The following TSKS variants were observed in gnomAD, a reference collection of about 807,000 sequenced individuals.
The protein encoded by TSKS is testis-specific serine kinase substrate.
In TSKS, 27 loss-of-function variants were observed where a neutral mutation model predicts 68.0. The ratio of observed to expected loss-of-function variants is 0.40; its 90% CI spans 0.29 to 0.55. The LOEUF (loss-of-function observed/expected upper bound fraction) is 0.55. TSKS is among the 20% of genes least tolerant of loss of function. TSKS has a pLI of 0.53. For missense variants in TSKS, 806 were observed against 776.0 expected, an observed-to-expected ratio of 1.04 and a Z score of -0.46; for synonymous variants, 331 against 340.4, an observed-to-expected ratio of 0.97 and a Z score of 0.30.
In TSKS at chr19:49,741,868, C is replaced by A; in HGVS notation, c.1497+17G>T. 1 of 1,614,112 alleles carries A rather than the reference C, an allele frequency of 6.2e-7. No individual in the cohort carries two copies. Among genetic ancestry groups the A allele is most frequent in the Non-Finnish European group, 8.5e-7 (1 of 1,180,010 alleles). ...AGAAAAGTAAAGTGGGACATGGTGG[C>A]CCATATTCCCTGGTACCAGAATCTT... On this transcript the variant is annotated intron_variant, in intron 9 of 10. Transcript: ENST00000246801.
intron 2 of TSKS, 71 bp downstream of exon 2, chr19:49,761,933 G>T (rs139603078): frequency 1.5e-6 from 2 of 1,314,540 alleles, no homozygotes; most frequent in Admixed American, 1.9e-5. Flanking sequence ...CCCCACCCCC[G>T]TCCTAAGTAT....
rs370324846 is a variant in TSKS, at chr19:49,762,277, G to A, written c.171-45C>T. The A allele has an allele frequency of 2.0e-5, 30 of 1,523,398 alleles. No individual in the cohort carries two copies. The African/African-American group carries it at 3.6e-4, about 18-fold the overall frequency. 94.4% of individuals were successfully genotyped at this position (1,523,398 alleles called of 1,614,324 possible). On this transcript the variant is annotated intron_variant, in intron 1 of 10. Coordinates refer to ENST00000246801, the MANE Select transcript of TSKS (RefSeq NM_021733.2). ...AGAAAAGTGGAGAAGCAGCCCCAGG[G>A]TGTCTGGGCCCTCCTGCCTTCCTTT...
chr19:49,750,230 G>A (rs1191674881), intron 2 of TSKS, among the ~76,000 whole-genome samples: 1 of 150,060 alleles, frequency 6.7e-6, no homozygotes, highest in African/African-American at 2.5e-5. Context: ...TGTTACAGTA[G>A]TCAAATGTAT....
chr19:49,751,610 T>C (rs2084351273), intron 2 of TSKS, among the ~76,000 whole-genome samples: 1 of 152,126 alleles, frequency 6.6e-6, no homozygotes, highest in Admixed American at 6.6e-5. Flanking sequence ...CAAAGCCTCA[T>C]AACCCAAAGA....
rs747218720 is a variant in TSKS, at chr19:49,740,173, C to T, written c.1508G>A (p.Arg503His). The T allele has an allele frequency of 2.4e-5, 38 of 1,612,500 alleles. No individual in the cohort carries two copies. Among genetic ancestry groups the T allele is most frequent in the South Asian group, 1.2e-4 (11 of 91,034 alleles). The change falls in exon 10 of 11, where the codon CGC becomes CAC. Residue 503 changes from arginine (R) to histidine (H), a missense_variant. Arg to His is a conservative substitution (Grantham distance 29). Transcript: ENST00000246801. ...RLHKKILELE[R>H]QALAKHVRAE... Reference sequence around the variant, plus strand: ...CCTGACGTGTTTGGCTAAGGCCTGGCGCTCCAGCTCCTGGGGAGAGGAGCG... The same window carrying T: ...CCTGACGTGTTTGGCTAAGGCCTGGTGCTCCAGCTCCTGGGGAGAGGAGCG...
chr19:49,745,430 T>C lies in TSKS; in HGVS notation c.993-34A>G, dbSNP rs750571924. 7 of 1,476,876 alleles carry C rather than the reference T, an allele frequency of 4.7e-6. No homozygotes were observed. The African/African-American group carries it at 8.4e-5, about 18-fold the overall frequency. 91.5% of individuals were successfully genotyped at this position (1,476,876 alleles called of 1,614,324 possible). A position where few individuals can be genotyped will look rare whatever the true frequency, so the allele number is the denominator to read the frequency against. ...GCAGAGGAGGGGAATGGGTAGGGGC[T>C]AGGCTTCAACAGGTCCCCACCTACC... On this transcript the variant is annotated intron_variant, in intron 6 of 10. Transcript: ENST00000246801.
intron 10 of TSKS, 50 bp from the exon 11 acceptor site, chr19:49,739,982 T>C: frequency 6.2e-7 from 1 of 1,608,502 alleles, no homozygotes; most frequent in Non-Finnish European, 8.5e-7. Flanking sequence ...GGTGCTGGGG[T>C]GTTGGAGTGG....
intron 2 of TSKS, 72 bp downstream of exon 2, chr19:49,761,932 C>A: frequency 1.5e-6 from 2 of 1,295,210 alleles, no homozygotes; most frequent in Non-Finnish European, 2.2e-6. Context: ...ACCCCACCCC[C>A]GTCCTAAGTA....
chr19:49,751,283 GACA>G (rs887862678), intron 2 of TSKS, among the ~76,000 whole-genome samples: 3 of 116,198 alleles, frequency 2.6e-5, no homozygotes, highest in African/African-American at 1.0e-4. Flanking sequence ...CAGCCTGGGC[GACA>G]ACGAGATTCC....
chr19:49,757,341 C>A (rs546972102), intron 2 of TSKS, among the ~76,000 whole-genome samples: 9 of 152,272 alleles, frequency 5.9e-5, no homozygotes, highest in Non-Finnish European at 8.8e-5. Flanking sequence ...ACGCCCTGAG[C>A]CAGGCCCACC....
intron 6 of TSKS, 130 bp from the exon 7 acceptor site, chr19:49,745,526 C>G: frequency 4.3e-6 from 3 of 698,752 alleles, no homozygotes; most frequent in Non-Finnish European, 6.6e-6. Context: ...TCCAGACCCA[C>G]CCAGGTCACC....
At chr19:49,759,962 G>A (rs2084427255) in intron 2 of TSKS, among the ~76,000 whole-genome samples, 1 of 151,510 alleles carries the variant, frequency 6.6e-6, no homozygotes, top group Admixed American at 6.6e-5. Context: ...AGACCAGCCT[G>A]GCCAACATGG....
chr19:49,749,210 T>C (rs1288257930), intron 2 of TSKS, among the ~76,000 whole-genome samples: 2 of 152,198 alleles, frequency 1.3e-5, no homozygotes, highest in Admixed American at 1.3e-4. Context: ...GTCTTGTCTT[T>C]TATTCTTCAC....
chr19:49,759,797 T>C (rs2084425592), intron 2 of TSKS, among the ~76,000 whole-genome samples: 1 of 151,398 alleles, frequency 6.6e-6, no homozygotes, highest in African/African-American at 2.4e-5. Context: ...ATCATGCCAG[T>C]GCACTCCAGC....
intron 8 of TSKS, among the ~76,000 whole-genome samples, chr19:49,743,654 C>T (rs1453882121): frequency 3.3e-5 from 5 of 152,014 alleles, no homozygotes; most frequent in Admixed American, 6.6e-5. Flanking sequence ...CCCGCCACCA[C>T]GCCCAGCTAA....
intron 4 of TSKS, among the ~76,000 whole-genome samples, chr19:49,747,731 C>T (rs1383290000): frequency 1.3e-5 from 2 of 152,136 alleles, no homozygotes; most frequent in African/African-American, 4.8e-5. Flanking sequence ...TCTTTTGAGA[C>T]TGAGTCTCGC....
Position 49,740,051 on chromosome 19 carries a change from T to C in TSKS, c.1622+8A>G. Reference sequence around the variant, plus strand: ...CCCTCCTCCCATGCCCTCAGCCTCCTTCCTCACTCTGGCTTCATCTTGTCT... The same window carrying C: ...CCCTCCTCCCATGCCCTCAGCCTCCCTCCTCACTCTGGCTTCATCTTGTCT... On this transcript the variant is annotated splice_region_variant and intron_variant, in intron 10 of 10. Transcript: ENST00000246801. 6.2e-7 allele frequency: 1 copy of C among 1,614,182 alleles called. No homozygotes were observed. The highest frequency in any genetic ancestry group is 8.5e-7 in the Non-Finnish European group (1 of 1,180,034).
At chr19:49,747,348 ACCTCCTCC>A (rs771677168) in intron 5 of TSKS, 33 bp downstream of exon 5, 2 of 1,613,626 alleles carry the variant, frequency 1.2e-6, no homozygotes, top group South Asian at 2.2e-5. Context: ...CGTGCATCTG[ACCTCCTCC>A]CACAAATCCT....
rs1009781831 is a variant in TSKS, at chr19:49,745,490, C to T, written c.993-94G>A. The T allele has an allele frequency of 7.8e-5, 86 of 1,103,308 alleles. 1 individual carries two copies. Among genetic ancestry groups the T allele is most frequent in the South Asian group, 2.9e-4 (16 of 55,714 alleles). The allele number at this position is 1,103,308 out of a possible 1,614,324, so 68.3% of individuals were successfully genotyped here. Reference sequence around the variant, plus strand: ...TAGGTGGGACAGGACTCACCTATCTCGCCCCACTGAGACCATGCCCGTGGC... The same window carrying T: ...TAGGTGGGACAGGACTCACCTATCTTGCCCCACTGAGACCATGCCCGTGGC... On this transcript the variant is annotated intron_variant, in intron 6 of 10. Coordinates refer to ENST00000246801, the MANE Select transcript of TSKS (RefSeq NM_021733.2).
Sources: allele counts gnomAD v4.1 joint callset (sites outside exome capture counted in the v4.1 genomes callset), GRCh38; gene constraint gnomAD v4.1.1; transcripts MANE v1.5; gene names NCBI Gene and HGNC (gene_info 2026-07-23, HGNC 2026-07-21).